VWA8: variants seen among roughly 807,000 people sequenced by gnomAD.
VWA8 encodes the protein von Willebrand factor A domain-containing protein 8.
VWA8 carries 221 observed loss-of-function variants against 241.5 expected under a neutral mutation model. The observed-to-expected ratio is 0.91, with a 90% CI of 0.82 to 1.02. VWA8 has a LOEUF of 1.02. Among genes scored for constraint, VWA8 ranks in the 50% least tolerant of loss-of-function variants. The probability of loss-of-function intolerance (pLI) is 0.00; values close to 1 mark genes in which losing one functional copy is unlikely to be tolerated. For missense variants in VWA8, 2,322 were observed against 2,328.7 expected (o/e 1.00, Z 0.06); for synonymous variants, 852 against 827.1 (o/e 1.03, Z -0.52).
At chr13:41,803,770 C>T (rs1259679247) in intron 17 of VWA8, among the ~76,000 whole-genome samples, 2 of 152,130 alleles carry the variant, frequency 1.3e-5, no homozygotes, top group Non-Finnish European at 2.9e-5. Context: ...TTTGAGGAAG[C>T]TCAATGAAAT....
At chr13:41,921,705 T>C (rs1206418337) in intron 2 of VWA8, among the ~76,000 whole-genome samples, 4 of 152,036 alleles carry the variant, frequency 2.6e-5, no homozygotes, top group African/African-American at 9.7e-5. Context: ...GAGAATAAAA[T>C]ACCTAGGAAT....
intron 17 of VWA8, among the ~76,000 whole-genome samples, chr13:41,797,294 C>T (rs1869749917): frequency 7.2e-5 from 11 of 151,930 alleles, no homozygotes; most frequent in Admixed American, 7.2e-4. Flanking sequence ...CCCACCTCGG[C>T]CTCCCAAAGT....
At chr13:41,587,878 G>A (rs1368517263) in intron 41 of VWA8, among the ~76,000 whole-genome samples, 1 of 152,224 alleles carries the variant, frequency 6.6e-6, no homozygotes, top group African/African-American at 2.4e-5. Flanking sequence ...TGTGCTAATG[G>A]TTGGGGCCAC....
rs914837446 is a variant in VWA8, at chr13:41,717,023, T to G, written c.3116+2568A>C. 5.3e-5 allele frequency among the ~76,000 whole-genome samples: 8 copies of G among 151,996 alleles called. No individual in the cohort carries two copies. The East Asian group carries it at 1.5e-3, about 29-fold the overall frequency. On this transcript the variant is annotated intron_variant, in intron 26 of 44. Transcript: ENST00000379310. The stretch of plus-strand genomic sequence containing the variant: ...GGGAATGAAAAGTGTTAGTATCACA[T>G]ATTTTTATGTTTGTTTTTGCAGATG...
chr13:41,860,998 A>G (rs966386497), intron 12 of VWA8, among the ~76,000 whole-genome samples: 5 of 151,798 alleles, frequency 3.3e-5, no homozygotes, highest in Non-Finnish European at 7.4e-5. Context: ...TTATATAAAT[A>G]ATATAATAGC....
rs1593868396 is a variant in VWA8, at chr13:41,917,917, A to T, written c.242-5749T>A. Among the ~76,000 whole-genome samples, 3 of 152,238 alleles carry T rather than the reference A, an allele frequency of 2.0e-5. No individual in the cohort carries two copies. The East Asian group carries it at 5.8e-4, about 29-fold the overall frequency. Reference sequence around the variant, plus strand: ...TGATTTTTCTACCACATCACAACACAAGATTTCAAAGGAAGCATGACTAAC... The same window carrying T: ...TGATTTTTCTACCACATCACAACACTAGATTTCAAAGGAAGCATGACTAAC... On this transcript the variant is annotated intron_variant, in intron 2 of 44. Coordinates refer to ENST00000379310, the MANE Select transcript of VWA8 (RefSeq NM_015058.2).
chr13:41,594,259 A>C lies in VWA8; in HGVS notation c.4987-3494T>G, dbSNP rs554724922. Among the ~76,000 whole-genome samples, 211 of 152,104 alleles carry C rather than the reference A, an allele frequency of 1.4e-3. 1 individual carries two copies. Among genetic ancestry groups the C allele is most frequent in the African/African-American group, 4.9e-3 (203 of 41,516 alleles). On this transcript the variant is annotated intron_variant, in intron 40 of 44. Transcript: ENST00000379310. Reference sequence around the variant, plus strand: ...CACCTCAGCCTCCTAAGTAGCTGAGACTACAGGCATGTACCACTACACCTG... The same window carrying C: ...CACCTCAGCCTCCTAAGTAGCTGAGCCTACAGGCATGTACCACTACACCTG...
chr13:41,651,349 C>T (rs1182906434), intron 37 of VWA8, among the ~76,000 whole-genome samples: 2 of 152,134 alleles, frequency 1.3e-5, no homozygotes, highest in African/African-American at 4.8e-5. Context: ...TCCCCCTTTC[C>T]TTCCCTCTGA....
At chr13:41,880,142 A>G (rs995950491) in intron 9 of VWA8, among the ~76,000 whole-genome samples, 14 of 152,230 alleles carry the variant, frequency 9.2e-5, no homozygotes, top group Non-Finnish European at 2.1e-4. Flanking sequence ...TAAACCACTT[A>G]TGACAAAAAA....
At chr13:41,859,581 A>C (rs952602017) in intron 12 of VWA8, among the ~76,000 whole-genome samples, 1 of 152,200 alleles carries the variant, frequency 6.6e-6, no homozygotes, top group Admixed American at 6.5e-5. Flanking sequence ...AAATCTGGAA[A>C]TATGCCCTTA....
intron 9 of VWA8, among the ~76,000 whole-genome samples, chr13:41,876,561 T>C (rs1003610398): frequency 2.0e-5 from 3 of 152,254 alleles, no homozygotes; most frequent in African/African-American, 4.8e-5. Flanking sequence ...CATTCCTCAA[T>C]TGATATATTA....
At chr13:41,870,669 C>T (rs904683341) in intron 9 of VWA8, among the ~76,000 whole-genome samples, 2 of 148,204 alleles carry the variant, frequency 1.3e-5, no homozygotes, top group African/African-American at 4.9e-5. Context: ...AAATTTAGAA[C>T]GAAGATTCAT....
intron 26 of VWA8, among the ~76,000 whole-genome samples, chr13:41,707,415 T>C (rs372136304): frequency 2.4e-4 from 37 of 152,342 alleles, no homozygotes; most frequent in East Asian, 1.5e-3. Context: ...ATACCTATTA[T>C]CAACAATTCC....
At chr13:41,814,583 G>C (rs970643954) in intron 16 of VWA8, among the ~76,000 whole-genome samples, 1 of 152,148 alleles carries the variant, frequency 6.6e-6, no homozygotes, top group Non-Finnish European at 1.5e-5. Flanking sequence ...TGTTTAGCAG[G>C]CTGTCTTCAG....
At chr13:41,772,865 G>A (rs2045835092) in intron 20 of VWA8, among the ~76,000 whole-genome samples, 1 of 152,154 alleles carries the variant, frequency 6.6e-6, no homozygotes, top group South Asian at 2.1e-4. Context: ...GTGAAATTGG[G>A]TTTAGTAAAG....
chr13:41,627,955 C>T (rs931098189), intron 37 of VWA8, among the ~76,000 whole-genome samples: 15 of 152,082 alleles, frequency 9.9e-5, no homozygotes, highest in African/African-American at 3.4e-4. Context: ...GAACATAGGC[C>T]GATTCACACT....
At chr13:41,663,442 T>C (rs1278480861) in intron 37 of VWA8, among the ~76,000 whole-genome samples, 1 of 150,472 alleles carries the variant, frequency 6.6e-6, no homozygotes, top group Non-Finnish European at 1.5e-5. Flanking sequence ...TACTACAAGA[T>C]GTATAACAAT....
chr13:41,580,390 A>C (rs2044375147), intron 42 of VWA8, among the ~76,000 whole-genome samples: 1 of 152,208 alleles, frequency 6.6e-6, no homozygotes, highest in Non-Finnish European at 1.5e-5. Context: ...TCCATTTCTA[A>C]ACCTGTGAAA....
chr13:41,600,022 T>C (rs2044511318), intron 40 of VWA8, among the ~76,000 whole-genome samples: 1 of 152,140 alleles, frequency 6.6e-6, no homozygotes, highest in Non-Finnish European at 1.5e-5. Context: ...TCTTTCTTCT[T>C]TTCCTGCCTT....
Sources: allele counts gnomAD v4.1 joint callset (sites outside exome capture counted in the v4.1 genomes callset), GRCh38; gene constraint gnomAD v4.1.1; transcripts MANE v1.5; gene names NCBI Gene and HGNC (gene_info 2026-07-23, HGNC 2026-07-21).